Variants in DPP6 observed in about 807,000 individuals in gnomAD.
DPP6 encodes the protein dipeptidyl peptidase like 6, also known as A-type potassium channel modulatory protein DPP6.
A neutral mutation model predicts 122.6 loss-of-function variants in DPP6; 69 were observed. That is an observed-to-expected ratio of 0.56 (90% confidence interval 0.46 to 0.69). The LOEUF (loss-of-function observed/expected upper bound fraction) is 0.69, where lower values mean the gene tolerates loss of function less well. Among genes scored for constraint, DPP6 ranks in the 30% least tolerant of loss-of-function variants. The pLI is 0.00. For synonymous variants in DPP6, 418 were observed against 433.1 expected, an observed-to-expected ratio of 0.97 and a Z score of 0.43; for missense variants, 928 against 1,116.9, an observed-to-expected ratio of 0.83 and a Z score of 2.41.
At chr7:154,673,306 G>T (rs1476205367) in intron 7 of DPP6, among the ~76,000 whole-genome samples, 3 of 152,200 alleles carry the variant, frequency 2.0e-5, no homozygotes, top group Non-Finnish European at 4.4e-5. Flanking sequence ...GGAACATGTA[G>T]CCTCCTGTGC....
intron 17 of DPP6, chr7:154,858,522 A>C (rs1438638455): frequency 6.6e-6 from 1 of 152,532 alleles, no homozygotes; most frequent in African/African-American, 2.4e-5. Context: ...TCACACCTGC[A>C]GCTCGTTCTC....
At chr7:154,744,467 C>G (rs568411960) in intron 8 of DPP6, among the ~76,000 whole-genome samples, 1 of 152,370 alleles carries the variant, frequency 6.6e-6, no homozygotes, top group East Asian at 1.9e-4. Flanking sequence ...CTGGGCCCCC[C>G]ACGGTGTTGA....
chr7:154,220,092 T>A (rs1308632003), intron 1 of DPP6, among the ~76,000 whole-genome samples: 2 of 152,182 alleles, frequency 1.3e-5, no homozygotes, highest in Non-Finnish European at 2.9e-5. Flanking sequence ...GTGCTATGGT[T>A]TAAATGTATG....
At chr7:154,101,963 T>C (rs1279373697) in intron 1 of DPP6, among the ~76,000 whole-genome samples, 1 of 139,972 alleles carries the variant, frequency 7.1e-6, no homozygotes, top group Non-Finnish European at 1.5e-5. Flanking sequence ...AAAAAAAGAA[T>C]GTTAACACTT....
intron 1 of DPP6, among the ~76,000 whole-genome samples, chr7:154,150,301 C>T (rs1796345494): frequency 6.6e-6 from 1 of 152,076 alleles, no homozygotes; most frequent in Admixed American, 6.5e-5. Context: ...ACTTGGGCAC[C>T]CACCTTGACT....
intron 1 of DPP6, among the ~76,000 whole-genome samples, chr7:154,108,176 G>A (rs1314963358): frequency 1.3e-5 from 2 of 152,178 alleles, no homozygotes; most frequent in Non-Finnish European, 2.9e-5. Context: ...TCAGGGTGCT[G>A]AGGGTTCTCT....
At chr7:153,823,278 A>G in the DPP6 span, among the ~76,000 whole-genome samples, 1 of 152,028 alleles carries the variant, frequency 6.6e-6, no homozygotes, top group African/African-American at 2.4e-5. Context: ...GAGAAGCTAC[A>G]CCGGAAGCCC....
chr7:154,686,255 C>T (rs563578308), intron 7 of DPP6, among the ~76,000 whole-genome samples: 3 of 152,220 alleles, frequency 2.0e-5, no homozygotes, highest in Admixed American at 6.5e-5. Flanking sequence ...TCCTTTGGAC[C>T]GAACTCTTAA....
At chr7:154,884,608 TA>T (rs1316865046) in intron 21 of DPP6, 5 of 118,336 alleles carry the variant, frequency 4.2e-5, no homozygotes, top group East Asian at 3.2e-4. Flanking sequence ...CATACACGAT[TA>T]CATACACATG....
intron 16 of DPP6, among the ~76,000 whole-genome samples, chr7:154,842,162 C>T (rs1000574314): frequency 5.9e-5 from 9 of 152,222 alleles, no homozygotes; most frequent in South Asian, 2.1e-4. Flanking sequence ...TTATCTCGCT[C>T]GGCCAGAGCC....
At chr7:154,309,584 A>G (rs896403682) in intron 1 of DPP6, among the ~76,000 whole-genome samples, 1 of 152,112 alleles carries the variant, frequency 6.6e-6, no homozygotes. Flanking sequence ...TCTGATTTTG[A>G]TCTTGTTGCT....
At chr7:154,879,990 G>C (rs947911862) in intron 20 of DPP6, among the ~76,000 whole-genome samples, 1 of 152,176 alleles carries the variant, frequency 6.6e-6, no homozygotes, top group Non-Finnish European at 1.5e-5. Context: ...ACAGTGTCTC[G>C]ACCAGGAACT....
At chr7:154,514,938 T>C (rs1826371199) in intron 3 of DPP6, among the ~76,000 whole-genome samples, 1 of 152,226 alleles carries the variant, frequency 6.6e-6, no homozygotes, top group Non-Finnish European at 1.5e-5. Flanking sequence ...GGTAATTCTA[T>C]GTTTAATCTT....
At chr7:154,180,461 GATAT>G (rs1169097420) in intron 1 of DPP6, among the ~76,000 whole-genome samples, 1 of 140,086 alleles carries the variant, frequency 7.1e-6, no homozygotes, top group African/African-American at 2.7e-5. Flanking sequence ...ATTATATATA[GATAT>G]ATATTTATAT....
chr7:154,801,762 G>A (rs752460553), intron 13 of DPP6, among the ~76,000 whole-genome samples: 9 of 152,060 alleles, frequency 5.9e-5, no homozygotes, highest in African/African-American at 2.2e-4. Context: ...TGTCTGTGCC[G>A]GGGGCCCTTT....
At chr7:153,865,683 G>C in the DPP6 span, among the ~76,000 whole-genome samples, 75 of 152,124 alleles carry the variant, frequency 4.9e-4, no homozygotes, top group Non-Finnish European at 8.8e-5. Context: ...TTAAGTTTTA[G>C]GGTACATGTG....
At position 153,985,381 on chromosome 7, in the gene DPP6, C is replaced by T. The variant is rs1585132317; in HGVS notation, c.51+97647C>T. 3.3e-5 allele frequency among the ~76,000 whole-genome samples: 5 copies of T among 152,202 alleles called. No homozygotes were observed. In the South Asian group the frequency reaches 8.3e-4, roughly 25 times the overall value. ...TAGCTCACAGCTTTAGCATGACATC[C>T]TCTGTAGCTTTACTCACAGTGGGAC... On this transcript the variant is annotated intron_variant, in intron 1 of 25. Coordinates refer to the DPP6 transcript ENST00000404039.
At chr7:154,362,121 A>G (rs985303234) in intron 1 of DPP6, among the ~76,000 whole-genome samples, 1 of 152,220 alleles carries the variant, frequency 6.6e-6, no homozygotes, top group African/African-American at 2.4e-5. Flanking sequence ...AGCCTTAAAA[A>G]CACATAAAGT....
chr7:154,184,343 G>A (rs1239104845), intron 1 of DPP6, among the ~76,000 whole-genome samples: 2 of 152,016 alleles, frequency 1.3e-5, no homozygotes, highest in African/African-American at 2.4e-5. Context: ...CTGGCAGGGG[G>A]TCCTCTCCAC....
Sources: allele counts gnomAD v4.1 joint callset (sites outside exome capture counted in the v4.1 genomes callset), GRCh38; gene constraint gnomAD v4.1.1; transcripts MANE v1.5; gene names NCBI Gene and HGNC (gene_info 2026-07-23, HGNC 2026-07-21).